Variants in GPHN observed in about 807,000 individuals in gnomAD.
GPHN encodes the protein gephyrin.
A neutral mutation model predicts 95.5 loss-of-function variants in GPHN; 17 were observed. That is an observed-to-expected ratio of 0.18 (90% CI 0.12 to 0.27). The LOEUF is 0.27. Ranked by LOEUF, GPHN falls within the 10% of genes least tolerant of loss-of-function variation. The pLI is 1.00. For synonymous variants in GPHN, 320 were observed against 322.5 expected (o/e 0.99, Z 0.08); for missense variants, 660 against 978.1 (o/e 0.67, Z 4.34).
At chr14:67,324,897 A>ATTTTT in the GPHN span, among the ~76,000 whole-genome samples, 310 of 76,322 alleles carry the variant, frequency 4.1e-3, 31 homozygotes, top group African/African-American at 0.014. Flanking sequence ...CCTTCCTTTC[A>ATTTTT]TTTTTTTTTT....
At chr14:67,607,663 C>A in the GPHN span, among the ~76,000 whole-genome samples, 1 of 152,166 alleles carries the variant, frequency 6.6e-6, no homozygotes, top group Non-Finnish European at 1.5e-5. Context: ...CCACGCCCGG[C>A]CTGGACGTGA....
the GPHN span, among the ~76,000 whole-genome samples, chr14:67,510,730 G>C: frequency 0.15 from 22,678 of 152,038 alleles, 1,937 homozygotes; most frequent in East Asian, 0.34. Context: ...TGGGAACAAG[G>C]GGAAGAGAGA....
chr14:67,586,403 G>C, the GPHN span: 3 of 1,349,128 alleles, frequency 2.2e-6, no homozygotes, highest in Non-Finnish European at 2.9e-6. Flanking sequence ...GGGTGCTTAC[G>C]TGCTCTTCTC....
chr14:67,252,269 A>G, the GPHN span, among the ~76,000 whole-genome samples: 1 of 152,136 alleles, frequency 6.6e-6, no homozygotes, highest in Non-Finnish European at 1.5e-5. Context: ...AGCTCACTGC[A>G]GCCTTCAACT....
chr14:66,680,353 C>A (rs1400111687), intron 1 of GPHN, among the ~76,000 whole-genome samples: 1 of 152,196 alleles, frequency 6.6e-6, no homozygotes, highest in Non-Finnish European at 1.5e-5. Flanking sequence ...CAGTGGTAGG[C>A]TACATCTGTT....
Position 66,536,103 on chromosome 14 carries a change from A to G in GPHN, c.64+27512A>G, listed in dbSNP as rs1192889739. 2.0e-5 allele frequency among the ~76,000 whole-genome samples: 3 copies of G among 152,022 alleles called. No homozygotes were observed. The South Asian group carries it at 6.2e-4, about 32-fold the overall frequency. On this transcript the variant is annotated intron_variant, in intron 1 of 22. Coordinates refer to ENST00000478722, the MANE Select transcript of GPHN (RefSeq NM_020806.5). The stretch of plus-strand genomic sequence containing the variant: ...ATTAAAGAAGTTCTTATCTATTCCT[A>G]GTTTTCTTTTCTTTTTTGAAAAAAA...
rs190398758 is a variant in GPHN at position 67,173,975 on chromosome 14, T to C, written c.2079+4939T>C. Among the ~76,000 whole-genome samples, 1,006 of 152,206 alleles carry C rather than the reference T, an allele frequency of 6.6e-3. 31 individuals carry two copies. The highest frequency in any genetic ancestry group is 0.049 in the Admixed American group (746 of 15,280). On this transcript the variant is annotated intron_variant, in intron 21 of 22. Coordinates refer to ENST00000478722, the MANE Select transcript of GPHN (RefSeq NM_020806.5). ...GCCGAAGACTTTCTGAACTTGAAGA[T>C]AGGTCATTTGAAATTACCCACTCTG...
chr14:67,538,435 C>T, the GPHN span, among the ~76,000 whole-genome samples: 116 of 152,304 alleles, frequency 7.6e-4, no homozygotes, highest in African/African-American at 2.7e-3. Context: ...ACACATGCGT[C>T]GCAATGCTTT....
the GPHN span, chr14:67,674,653 G>C: frequency 2.0e-6 from 1 of 510,638 alleles, no homozygotes. Context: ...TCTCGAGCCG[G>C]AACGCCCACC....
chr14:67,567,527 G>T, the GPHN span, among the ~76,000 whole-genome samples: 2 of 151,614 alleles, frequency 1.3e-5, no homozygotes, highest in South Asian at 4.2e-4. Context: ...ACTTGGGCTC[G>T]ATGTATCTGC....
chr14:66,716,326 G>T (rs938510228), intron 2 of GPHN, among the ~76,000 whole-genome samples: 6 of 152,234 alleles, frequency 3.9e-5, no homozygotes, highest in African/African-American at 1.4e-4. Context: ...AGCTACTCCT[G>T]CTGGCTTTTG....
chr14:66,722,955 T>C (rs1269458173), intron 2 of GPHN, among the ~76,000 whole-genome samples: 2 of 152,208 alleles, frequency 1.3e-5, no homozygotes, highest in Non-Finnish European at 2.9e-5. Flanking sequence ...AAAGTGACAC[T>C]CTTTTTCCCT....
chr14:66,646,039 A>T (rs192244298), intron 1 of GPHN, among the ~76,000 whole-genome samples: 1 of 152,306 alleles, frequency 6.6e-6, no homozygotes, highest in Admixed American at 6.5e-5. Flanking sequence ...AACTTTACCT[A>T]TGATTAGAAT....
At chr14:67,690,902 G>C in the GPHN span, 1 of 518,616 alleles carries the variant, frequency 1.9e-6, no homozygotes, top group Non-Finnish European at 3.4e-6. Flanking sequence ...AAACCAATTA[G>C]TCTGTTAAAA....
At chr14:67,301,614 T>C in the GPHN span, 1 of 502,104 alleles carries the variant, frequency 2.0e-6, no homozygotes, top group African/African-American at 2.0e-5. Context: ...GTAGTTATTG[T>C]TGGATTATAT....
intron 4 of GPHN, among the ~76,000 whole-genome samples, chr14:66,829,370 G>C (rs958941186): frequency 6.6e-6 from 1 of 152,132 alleles, no homozygotes; most frequent in Non-Finnish European, 1.5e-5. Flanking sequence ...TTACAGGCAT[G>C]AACCACTGTG....
chr14:67,224,324 T>A, the GPHN span, among the ~76,000 whole-genome samples: 4 of 150,876 alleles, frequency 2.7e-5, no homozygotes, highest in Non-Finnish European at 5.9e-5. Context: ...AGTGGCACGA[T>A]CTCAGCTCAC....
the GPHN span, among the ~76,000 whole-genome samples, chr14:67,675,576 CTA>C: frequency 0.22 from 33,305 of 152,036 alleles, 4,534 homozygotes; most frequent in Non-Finnish European, 0.3. Context: ...CTCGTGGAGA[CTA>C]ATTCTCCTCC....
At chr14:66,900,959 T>G (rs115149281) in intron 5 of GPHN, among the ~76,000 whole-genome samples, 12 of 151,958 alleles carry the variant, frequency 7.9e-5, no homozygotes, top group Admixed American at 7.2e-4. Flanking sequence ...TATGAGGAAA[T>G]TCCATACTGC....
Sources: gnomAD v4.1 joint callset for allele counts (sites outside exome capture counted in the v4.1 genomes callset) on GRCh38, gnomAD v4.1.1 for gene constraint, MANE v1.5 for transcripts, NCBI Gene and HGNC (gene_info 2026-07-23, HGNC 2026-07-21) for gene names.